Variants in PEX7 observed in about 807,000 individuals in gnomAD.
PEX7 encodes peroxisomal biogenesis factor 7, also known as PTS2 receptor.
PEX7 carries 34 observed loss-of-function variants against 47.5 expected under a neutral mutation model. That is an observed-to-expected ratio of 0.72 (90% CI 0.54 to 0.95). The LOEUF (loss-of-function observed/expected upper bound fraction) is 0.95. Among genes scored for constraint, PEX7 ranks in the 40% least tolerant of loss-of-function variants. The pLI, the probability that PEX7 is intolerant of heterozygous loss-of-function variation, is 0.00. For missense variants in PEX7, 394 were observed against 400.3 expected, an observed-to-expected ratio of 0.98 and a Z score of 0.13; for synonymous variants, 141 against 148.8, an observed-to-expected ratio of 0.95 and a Z score of 0.38.
chr6:136,849,614 A>G (rs935797983), intron 5 of PEX7, among the ~76,000 whole-genome samples: 4 of 152,210 alleles, frequency 2.6e-5, no homozygotes, highest in Admixed American at 6.5e-5. Context: ...TTATGTATCC[A>G]GTAGTCATTC....
At chr6:136,908,682 A>G (rs1582783649) in intron 9 of PEX7, among the ~76,000 whole-genome samples, 1 of 152,294 alleles carries the variant, frequency 6.6e-6, no homozygotes, top group East Asian at 1.9e-4. Flanking sequence ...CAAACAAGAG[A>G]TACCCCAGCC....
intron 5 of PEX7, chr6:136,855,880 A>T (rs1173683444): frequency 1.0e-5 from 2 of 196,872 alleles, no homozygotes; most frequent in African/African-American, 2.4e-5. Flanking sequence ...ACCAAATATA[A>T]ATCTGATAGT....
At chr6:136,843,435 GT>G (rs910090273) in intron 3 of PEX7, among the ~76,000 whole-genome samples, 13 of 152,096 alleles carry the variant, frequency 8.5e-5, no homozygotes, top group Non-Finnish European at 1.5e-4. Context: ...TACAAATAAA[GT>G]TTTTTTGGAA....
intron 8 of PEX7, among the ~76,000 whole-genome samples, chr6:136,880,883 A>G (rs983563403): frequency 1.3e-5 from 2 of 152,244 alleles, no homozygotes; most frequent in Non-Finnish European, 2.9e-5. Context: ...GGGAAGAATA[A>G]TCACATGGAG....
intron 5 of PEX7, among the ~76,000 whole-genome samples, chr6:136,850,271 C>T (rs778401204): frequency 3.3e-5 from 5 of 151,854 alleles, no homozygotes; most frequent in Non-Finnish European, 7.4e-5. Context: ...TGAGATGGGT[C>T]TCCTGAATAC....
At chr6:136,840,773 T>C (rs755105244) in intron 3 of PEX7, among the ~76,000 whole-genome samples, 1 of 152,170 alleles carries the variant, frequency 6.6e-6, no homozygotes, top group Non-Finnish European at 1.5e-5. Context: ...ACCTTGCTCT[T>C]CCCTGAATCT....
chr6:136,858,882 C>T (rs191380161), intron 5 of PEX7, among the ~76,000 whole-genome samples: 34 of 152,182 alleles, frequency 2.2e-4, no homozygotes, highest in Admixed American at 1.2e-3. Context: ...TGCTTACGGA[C>T]GAGTGTTTAT....
chr6:136,829,979 C>T (rs1168645931), intron 3 of PEX7: 1 of 697,548 alleles, frequency 1.4e-6, no homozygotes, highest in Non-Finnish European at 2.6e-6. Flanking sequence ...TGAACATAGC[C>T]AATTTCTGTT....
chr6:136,906,297 G>A (rs1442755417), intron 9 of PEX7, among the ~76,000 whole-genome samples: 4 of 152,160 alleles, frequency 2.6e-5, no homozygotes, highest in Non-Finnish European at 5.9e-5. Context: ...ATTGTCATTT[G>A]TAATTCATGA....
At chr6:136,826,295 G>T (rs1774190060) in intron 2 of PEX7, 24 bp from the exon 3 acceptor site, 13 of 1,612,088 alleles carry the variant, frequency 8.1e-6, no homozygotes, top group Non-Finnish European at 1.1e-5. Context: ...GTATTTTTTT[G>T]TTGTTTGTTT....
At chr6:136,846,589 C>A (rs541648047) in intron 5 of PEX7, among the ~76,000 whole-genome samples, 3 of 151,884 alleles carry the variant, frequency 2.0e-5, no homozygotes, top group Non-Finnish European at 4.4e-5. Context: ...TGAGAACATG[C>A]GGTGTTTGGT....
intron 3 of PEX7, among the ~76,000 whole-genome samples, chr6:136,833,142 A>G (rs1774323959): frequency 6.6e-6 from 1 of 152,198 alleles, no homozygotes; most frequent in Non-Finnish European, 1.5e-5. Context: ...AAAGAGGCTT[A>G]ATTGACTCAC....
intron 2 of PEX7, 81 bp from the exon 3 acceptor site, chr6:136,826,238 A>T (rs1317297059): frequency 7.5e-6 from 11 of 1,473,052 alleles, no homozygotes; most frequent in Non-Finnish European, 9.4e-6. Flanking sequence ...AAGAAAAAAA[A>T]CCATAATTGT....
chr6:136,903,829 C>CTT (rs60978784), intron 9 of PEX7, among the ~76,000 whole-genome samples: 3 of 139,432 alleles, frequency 2.2e-5, no homozygotes, highest in Non-Finnish European at 3.1e-5. Flanking sequence ...CAGGTGTGCA[C>CTT]TTTTTTTTTT....
chr6:136,856,541 T>G (rs1166680127), intron 5 of PEX7, among the ~76,000 whole-genome samples: 4 of 152,022 alleles, frequency 2.6e-5, no homozygotes, highest in African/African-American at 9.7e-5. Context: ...AGTGAAAGAT[T>G]CCTTCTCAGA....
At chr6:136,824,200 C>G (rs919653725) in intron 1 of PEX7, among the ~76,000 whole-genome samples, 12 of 151,878 alleles carry the variant, frequency 7.9e-5, no homozygotes, top group African/African-American at 2.7e-4. Flanking sequence ...TTCTTTTTTT[C>G]TTTTTTCTTT....
intron 5 of PEX7, among the ~76,000 whole-genome samples, chr6:136,859,911 G>C (rs1262271063): frequency 6.6e-6 from 1 of 151,906 alleles, no homozygotes; most frequent in African/African-American, 2.4e-5. Context: ...TGTAATCCCA[G>C]CTACTGGGAG....
chr6:136,834,417 A>G (rs1196693572), intron 3 of PEX7, among the ~76,000 whole-genome samples: 2 of 152,278 alleles, frequency 1.3e-5, no homozygotes, highest in Middle Eastern at 3.4e-3. Flanking sequence ...GGGTTTCTCC[A>G]TGTTGCCCAG....
chr6:136,885,124 A>G (rs6936400), intron 8 of PEX7, among the ~76,000 whole-genome samples: 97,030 of 151,960 alleles, frequency 0.64, 31,107 homozygotes, highest in African/African-American at 0.69. Flanking sequence ...CCAGGTATGT[A>G]TGACAACCAA....
Sources: gnomAD v4.1 joint callset for allele counts (sites outside exome capture counted in the v4.1 genomes callset) on GRCh38, gnomAD v4.1.1 for gene constraint, MANE v1.5 for transcripts, NCBI Gene and HGNC (gene_info 2026-07-23, HGNC 2026-07-21) for gene names.